Variants in ATE1 observed in about 807,000 individuals in gnomAD.
The protein encoded by ATE1 is arginyl-tRNA--protein transferase 1.
ATE1 carries 36 observed loss-of-function variants against 70.5 expected under a neutral mutation model. The ratio of observed to expected loss-of-function variants is 0.51; its 90% CI spans 0.39 to 0.67. The LOEUF (loss-of-function observed/expected upper bound fraction) is 0.67, where lower values mean the gene tolerates loss of function less well. ATE1 is among the 30% of genes least tolerant of loss of function. The pLI is 0.00. For synonymous variants in ATE1, 232 were observed against 219.3 expected (o/e 1.06, Z -0.51); for missense variants, 593 against 629.5 (o/e 0.94, Z 0.62).
intron 11 of ATE1, among the ~76,000 whole-genome samples, chr10:121,760,068 T>C (rs1944976597): frequency 2.0e-5 from 3 of 152,230 alleles, no homozygotes; most frequent in African/African-American, 7.2e-5. Context: ...CTGAATATTT[T>C]AAGCCCACTG....
chr10:121,829,191 G>A (rs1479450529), intron 10 of ATE1, among the ~76,000 whole-genome samples: 2 of 152,118 alleles, frequency 1.3e-5, no homozygotes, highest in African/African-American at 2.4e-5. Flanking sequence ...TTGGGAGGCC[G>A]AGGCGGGCAG....
At chr10:121,747,016 G>C (rs1270796156) in intron 11 of ATE1, among the ~76,000 whole-genome samples, 2 of 152,290 alleles carry the variant, frequency 1.3e-5, no homozygotes, top group East Asian at 3.9e-4. Flanking sequence ...TGTAGCAGGA[G>C]ATACAAGCTA....
chr10:121,911,765 T>C (rs1951442648), intron 4 of ATE1, among the ~76,000 whole-genome samples: 1 of 149,330 alleles, frequency 6.7e-6, no homozygotes, highest in Non-Finnish European at 1.5e-5. Context: ...CTTTTTTTTT[T>C]TTGAGGAGTC....
chr10:121,896,226 T>C (rs566801719), intron 7 of ATE1, among the ~76,000 whole-genome samples: 1 of 152,168 alleles, frequency 6.6e-6, no homozygotes, highest in African/African-American at 2.4e-5. Flanking sequence ...ATTCCACAGG[T>C]GGTGGTTTAT....
chr10:121,791,324 C>T (rs771182551), intron 10 of ATE1, among the ~76,000 whole-genome samples: 1 of 151,844 alleles, frequency 6.6e-6, no homozygotes, highest in Non-Finnish European at 1.5e-5. Flanking sequence ...AAACTCCTGA[C>T]CTCAGGTGAT....
chr10:121,922,094 G>A (rs554495044), intron 3 of ATE1, among the ~76,000 whole-genome samples: 2 of 152,196 alleles, frequency 1.3e-5, no homozygotes, highest in Admixed American at 6.5e-5. Flanking sequence ...GGCATTCATT[G>A]ACAAGATTGC....
At chr10:121,797,891 G>A (rs534518427) in intron 10 of ATE1, among the ~76,000 whole-genome samples, 10 of 152,194 alleles carry the variant, frequency 6.6e-5, no homozygotes, top group African/African-American at 1.2e-4. Context: ...CTGTCTAACC[G>A]TCTTGTTAAT....
chr10:121,902,739 G>A, intron 5 of ATE1, 119 bp from the exon 6 acceptor site: 2 of 1,025,040 alleles, frequency 2.0e-6, no homozygotes, highest in Non-Finnish European at 2.8e-6. Context: ...CTAGCTTTGG[G>A]GTAGATGTTT....
rs17629428 is a variant in ATE1, at chr10:121,811,925, C to T, written c.1258-21636G>A. ...TTGAATACGGAAAGGGCAGAAATTT[C>T]CCTTCTATGAACCTTATTCCAAATT... On this transcript the variant is annotated intron_variant, in intron 10 of 11. Transcript: ENST00000224652. Among the ~76,000 whole-genome samples the T allele has an allele frequency of 9.0e-3, 1,346 of 149,996 alleles. 10 individuals are homozygous for T. The highest frequency in any genetic ancestry group is 0.011 in the Non-Finnish European group (775 of 67,496).
chr10:121,798,587 C>G (rs1946749600), intron 10 of ATE1, among the ~76,000 whole-genome samples: 1 of 152,112 alleles, frequency 6.6e-6, no homozygotes, highest in Non-Finnish European at 1.5e-5. Flanking sequence ...TGAGTTAAAT[C>G]TCACAATAAC....
At chr10:121,923,223 C>A (rs1434523429) in intron 2 of ATE1, among the ~76,000 whole-genome samples, 1 of 152,188 alleles carries the variant, frequency 6.6e-6, no homozygotes, top group African/African-American at 2.4e-5. Context: ...ATAATCCCAA[C>A]ACTTTGAAAA....
upstream of ATE1, chr10:121,928,192 GGT>G: frequency 1.1e-5 from 14 of 1,315,954 alleles, no homozygotes; most frequent in Non-Finnish European, 1.4e-5. Flanking sequence ...CGTCAGTGAG[GGT>G]GAGGCGGAGA....
chr10:121,886,148 T>C (rs1164930461), intron 7 of ATE1, among the ~76,000 whole-genome samples: 3 of 152,108 alleles, frequency 2.0e-5, no homozygotes, highest in Admixed American at 6.5e-5. Flanking sequence ...ACTCAACCTG[T>C]AGCACCAGCA....
intron 8 of ATE1, among the ~76,000 whole-genome samples, chr10:121,861,827 T>A (rs975896027): frequency 9.9e-5 from 15 of 151,794 alleles, no homozygotes; most frequent in Non-Finnish European, 1.8e-4. Context: ...CTAACTGAAG[T>A]ACCGTAAGCC....
At chr10:121,755,244 A>G (rs1353269742) in intron 11 of ATE1, among the ~76,000 whole-genome samples, 2 of 152,224 alleles carry the variant, frequency 1.3e-5, no homozygotes, top group Non-Finnish European at 2.9e-5. Context: ...TAACATCTCA[A>G]TGTTACTTTC....
intron 8 of ATE1, among the ~76,000 whole-genome samples, chr10:121,851,283 G>A (rs1949047220): frequency 6.6e-6 from 1 of 151,904 alleles, no homozygotes; most frequent in African/African-American, 2.4e-5. Flanking sequence ...AGCCAGGTGT[G>A]GTGGCACATG....
At chr10:121,899,744 C>T in intron 7 of ATE1, 122 bp downstream of exon 7, 1 of 1,420,520 alleles carries the variant, frequency 7.0e-7, no homozygotes, top group Non-Finnish European at 9.4e-7. Flanking sequence ...TAGGTCTTTG[C>T]AGATATGCTG....
In ATE1 at chr10:121,911,059, T is replaced by C. The variant is rs1245864400; in HGVS notation, c.430A>G (p.Ser144Gly). The C allele has an allele frequency of 3.1e-6, 5 of 1,613,406 alleles. No homozygotes were observed. Among genetic ancestry groups the C allele is most frequent in the Non-Finnish European group, 3.4e-6 (4 of 1,179,888 alleles). ...TCTAAACTCTCTTTGATGTCATCAC[T>C]GAGTGTTTTAAGATCACACTGTATA... ...LDIQCDLKTL[S>G]DDIKESLESE... Residue 144 changes from serine to glycine, a missense_variant, in exon 5 of 12, where the codon AGT (serine) becomes GGT (glycine). By Grantham distance (56) the Ser-to-Gly change is moderately conservative. Around this residue, in one of 3 missense-constraint regions of ATE1, gnomAD observed 467 missense variants for 469.6 expected, o/e 0.99. Transcript: ENST00000224652.
intron 8 of ATE1, among the ~76,000 whole-genome samples, chr10:121,853,113 C>A (rs1360938082): frequency 6.6e-6 from 1 of 151,886 alleles, no homozygotes; most frequent in Non-Finnish European, 1.5e-5. Flanking sequence ...GTGCGGTGGC[C>A]CAGCACTTTG....
Sources: gnomAD v4.1 joint callset for allele counts (sites outside exome capture counted in the v4.1 genomes callset) on GRCh38, gnomAD v4.1.1 for gene constraint, gnomAD v4.1.1 regional missense constraint, MANE v1.5 for transcripts, NCBI Gene and HGNC (gene_info 2026-07-23, HGNC 2026-07-21) for gene names.